MON2: variants seen among roughly 807,000 people sequenced by gnomAD.
MON2 encodes the protein MON2 regulator of endosome-to-Golgi trafficking, also known as protein MON2 homolog.
A neutral mutation model predicts 208.6 loss-of-function variants in MON2; 84 were observed. The observed-to-expected ratio is 0.40, with a 90% CI of 0.34 to 0.48. The LOEUF (loss-of-function observed/expected upper bound fraction) is 0.48. Ranked by LOEUF, MON2 falls within the 20% of genes least tolerant of loss-of-function variation. The pLI, the probability that MON2 is intolerant of heterozygous loss-of-function variation, is 0.59. For missense variants in MON2, 1,611 were observed against 2,015.4 expected (o/e 0.80, Z 3.84); for synonymous variants, 660 against 694.0 (o/e 0.95, Z 0.77).
At chr12:62,468,163 A>G (rs1462028971) in intron 1 of MON2, among the ~76,000 whole-genome samples, 1 of 151,216 alleles carries the variant, frequency 6.6e-6, no homozygotes, top group African/African-American at 2.4e-5. Context: ...TCTAAAAAAA[A>G]AAAACAAACA....
At chr12:62,469,059 C>T (rs1184959573) in intron 1 of MON2, among the ~76,000 whole-genome samples, 1 of 151,712 alleles carries the variant, frequency 6.6e-6, no homozygotes, top group Non-Finnish European at 1.5e-5. Flanking sequence ...CCCACCTCAG[C>T]CCCCTGAGTT....
chr12:62,586,606 A>G (rs958584447), intron 33 of MON2, among the ~76,000 whole-genome samples: 10 of 152,074 alleles, frequency 6.6e-5, no homozygotes, highest in Non-Finnish European at 1.3e-4. Flanking sequence ...GATCCAGTGT[A>G]TTTTGAATTT....
chr12:62,526,157 A>T (rs1004682550), intron 11 of MON2, 55 bp downstream of exon 11: 9 of 1,520,050 alleles, frequency 5.9e-6, no homozygotes, highest in Non-Finnish European at 6.3e-6. Context: ...GGTGATATTT[A>T]ACCTAAAATT....
At chr12:62,555,031 C>T (rs976461127) in intron 24 of MON2, among the ~76,000 whole-genome samples, 11 of 151,926 alleles carry the variant, frequency 7.2e-5, no homozygotes, top group African/African-American at 2.4e-4. Flanking sequence ...CTCCTGACCT[C>T]GTGATCCGCC....
intron 14 of MON2, 82 bp from the exon 15 acceptor site, chr12:62,537,069 T>G: frequency 1.3e-6 from 1 of 797,728 alleles, no homozygotes; most frequent in South Asian, 2.5e-5. Flanking sequence ...AAACTTGGTT[T>G]AATCAAACTT....
At chr12:62,511,986 A>G (rs993884269) in intron 8 of MON2, among the ~76,000 whole-genome samples, 20 of 130,176 alleles carry the variant, frequency 1.5e-4, no homozygotes, top group African/African-American at 6.0e-4. Flanking sequence ...GCGCTTATGC[A>G]GGGAAACCCC....
chr12:62,493,875 T>C, intron 2 of MON2, 40 bp from the exon 3 acceptor site: 1 of 1,357,384 alleles, frequency 7.4e-7, no homozygotes, highest in Non-Finnish European at 9.9e-7. Flanking sequence ...TAATTATAGA[T>C]TAATTTTAAT....
intron 29 of MON2, among the ~76,000 whole-genome samples, chr12:62,567,103 C>A (rs1361283397): frequency 1.3e-5 from 2 of 152,134 alleles, no homozygotes; most frequent in African/African-American, 4.8e-5. Context: ...GTGTTCCATT[C>A]CTCTAAGGCT....
intron 2 of MON2, among the ~76,000 whole-genome samples, chr12:62,492,351 T>C (rs2070188661): frequency 6.7e-6 from 1 of 149,346 alleles, no homozygotes; most frequent in East Asian, 2.0e-4. Context: ...AAATAACTGA[T>C]AGAGTTAGTT....
chr12:62,502,873 A>G (rs559530815), intron 7 of MON2, among the ~76,000 whole-genome samples: 16 of 152,204 alleles, frequency 1.1e-4, no homozygotes, highest in Non-Finnish European at 2.1e-4. Context: ...TGAGTGAATC[A>G]AGTGCTACAG....
chr12:62,550,316 G>A (rs2073684988), intron 23 of MON2, among the ~76,000 whole-genome samples: 2 of 152,094 alleles, frequency 1.3e-5, no homozygotes, highest in African/African-American at 4.8e-5. Context: ...GATTGCTGAG[G>A]CCAGGAGTTT....
In MON2 at chr12:62,532,464, C is replaced by G; in HGVS notation, c.1427C>G (p.Pro476Arg). Residue 476 changes from proline to arginine, a missense_variant, in exon 12 of 35, where the codon CCT becomes CGT. Coordinates refer to ENST00000393630, the MANE Select transcript of MON2 (RefSeq NM_015026.3). ...TYLEMLDKVE[P>R]PTIPEGYAMS... The stretch of plus-strand genomic sequence containing the variant: ...TTAGAAATGTTGGACAAAGTTGAGC[C>G]TCCAACTATACCTGAAGGTTACGCC... 6.2e-7 allele frequency: 1 copy of G among 1,613,804 alleles called. No homozygotes were observed. Among genetic ancestry groups the G allele is most frequent in the Non-Finnish European group, 8.5e-7 (1 of 1,179,780 alleles).
chr12:62,532,539 G>A lies in MON2; in HGVS notation c.1502G>A (p.Ser501Asn), dbSNP rs1347996535. 3.1e-6 allele frequency: 5 copies of A among 1,614,046 alleles called. No homozygotes were observed. The highest frequency in any genetic ancestry group is 1.7e-5 in the Admixed American group (1 of 60,024). ...CTAGACCTTGTTCGTGGAATCACAA[G>A]TATGATTGAAGGAGAGCTAGGAGAG... ...CLLDLVRGIT[S>N]MIEGELGELE... is the part of the protein sequence containing the mutation. The change falls in exon 12 of 35, where the codon AGT becomes AAT. Residue 501 changes from serine (S) to asparagine (N), a missense_variant. By Grantham distance (46) the Ser-to-Asn change is conservative. Coordinates refer to ENST00000393630, the MANE Select transcript of MON2 (RefSeq NM_015026.3).
chr12:62,540,446 T>TATTG (rs1463571169), intron 19 of MON2, among the ~76,000 whole-genome samples: 1 of 152,178 alleles, frequency 6.6e-6, no homozygotes, highest in East Asian at 1.9e-4. Flanking sequence ...TGGAGATGTA[T>TATTG]ATTGAAAGAT....
chr12:62,492,944 T>C (rs1352093420), intron 2 of MON2, among the ~76,000 whole-genome samples: 5 of 151,228 alleles, frequency 3.3e-5, no homozygotes. Context: ...GTGCCACTGC[T>C]CTCCAGCCTG....
chr12:62,521,465 ATAT>A (rs1244805222), intron 8 of MON2, among the ~76,000 whole-genome samples: 1 of 152,188 alleles, frequency 6.6e-6, no homozygotes, highest in African/African-American at 2.4e-5. Flanking sequence ...GGCAAATAAT[ATAT>A]TATTATGAAA....
intron 12 of MON2, among the ~76,000 whole-genome samples, chr12:62,533,765 G>C (rs10877871): frequency 0.65 from 99,033 of 151,982 alleles, 32,251 homozygotes; most frequent in Middle Eastern, 0.71. Flanking sequence ...GAAATACATA[G>C]CCACATACAC....
intron 9 of MON2, 80 bp from the exon 10 acceptor site, chr12:62,525,004 A>C: frequency 8.3e-7 from 1 of 1,204,642 alleles, no homozygotes; most frequent in Non-Finnish European, 1.2e-6. Context: ...TCTTATAGTA[A>C]TATCACTTGC....
intron 6 of MON2, 100 bp from the exon 7 acceptor site, chr12:62,501,468 ATGTAT>A: frequency 7.5e-7 from 1 of 1,337,908 alleles, no homozygotes. Context: ...GAGCAAAAAC[ATGTAT>A]TATATAAGAA....
Sources: allele counts gnomAD v4.1 joint callset (sites outside exome capture counted in the v4.1 genomes callset), GRCh38; gene constraint gnomAD v4.1.1; transcripts MANE v1.5; gene names NCBI Gene and HGNC (gene_info 2026-07-23, HGNC 2026-07-21).